SLC38A6: variants seen among roughly 807,000 people sequenced by gnomAD.
SLC38A6 encodes the protein solute carrier family 38 member 6, also known as N system amino acid transporter NAT-1.
Under a neutral mutation model 65.0 loss-of-function variants are expected in SLC38A6, and 73 were observed. That is an observed-to-expected ratio of 1.12 (90% CI 0.93 to 1.37). The LOEUF is 1.37. Ranked by LOEUF, SLC38A6 falls within the 40% of genes most tolerant of loss-of-function variation. SLC38A6 has a pLI of 0.00. For synonymous variants in SLC38A6, 183 were observed against 178.8 expected (o/e 1.02, Z -0.19); for missense variants, 561 against 531.1 (o/e 1.06, Z -0.55).
chr14:60,982,296 AT>A (rs1042751568), intron 1 of SLC38A6: 15 of 625,072 alleles, frequency 2.4e-5, no homozygotes, highest in Admixed American at 1.7e-4. Context: ...GGTGGAAATC[AT>A]TTTCCTAAGA....
At chr14:60,987,030 T>G (rs1387116884) in intron 3 of SLC38A6, 1 of 420,008 alleles carries the variant, frequency 2.4e-6, no homozygotes, top group African/African-American at 2.1e-5. Flanking sequence ...TCTTCTTTTT[T>G]CTTTTTCTTT....
Position 61,043,151 on chromosome 14 carries a change from T to C in SLC38A6, c.629T>C (p.Ile210Thr). ...TGATTCTGTTTACTTTTTTAGGTAA[T>C]AATTAAAAAATGGTCCATCCCTTGT... ...FFMMFFALVV[I>T]IKKWSIPCPL... The change falls in exon 9 of 16, where the codon ATA becomes ACA. Residue 210 changes from isoleucine to threonine, a missense_variant. Physicochemically the swap from Ile to Thr is moderately conservative, Grantham distance 89. Coordinates refer to ENST00000267488, the MANE Select transcript of SLC38A6 (RefSeq NM_153811.3). 1 of 1,524,702 alleles carries C rather than the reference T, an allele frequency of 6.6e-7. No individual in the cohort carries two copies. Among genetic ancestry groups the C allele is most frequent in the Non-Finnish European group, 8.9e-7 (1 of 1,117,684 alleles). 94.4% of individuals were successfully genotyped at this position (1,524,702 alleles called of 1,614,324 possible).
intron 5 of SLC38A6, among the ~76,000 whole-genome samples, chr14:61,021,713 T>A (rs564843841): frequency 2.6e-5 from 4 of 152,330 alleles, no homozygotes; most frequent in Admixed American, 1.3e-4. Flanking sequence ...TTAGAAAAGC[T>A]AGTAATGCTT....
chr14:61,064,455 G>T (rs2042959577), intron 15 of SLC38A6, among the ~76,000 whole-genome samples: 1 of 151,730 alleles, frequency 6.6e-6, no homozygotes, highest in Admixed American at 6.6e-5. Context: ...CATGAGATAG[G>T]ATCATGGGAG....
intron 3 of SLC38A6, among the ~76,000 whole-genome samples, chr14:60,988,347 C>A (rs1240295317): frequency 6.6e-6 from 1 of 152,158 alleles, no homozygotes; most frequent in Non-Finnish European, 1.5e-5. Context: ...GACTCCTAGA[C>A]CATTTCCTGT....
intron 3 of SLC38A6, among the ~76,000 whole-genome samples, chr14:60,990,171 T>C (rs1449608490): frequency 1.3e-5 from 2 of 152,026 alleles, no homozygotes; most frequent in Admixed American, 6.6e-5. Context: ...GGTGGGATTA[T>C]AGATGTGTGC....
At chr14:60,994,169 C>G (rs1442956821) in intron 3 of SLC38A6, among the ~76,000 whole-genome samples, 1 of 152,220 alleles carries the variant, frequency 6.6e-6, no homozygotes, top group Non-Finnish European at 1.5e-5. Context: ...TTACCAAAAT[C>G]TGGAAGCAAC....
chr14:61,050,746 A>G (rs1485137040), intron 13 of SLC38A6, 110 bp downstream of exon 13: 9 of 1,025,948 alleles, frequency 8.8e-6, no homozygotes, highest in East Asian at 5.8e-5. Context: ...TGTATATCTT[A>G]TTCACTTGTC....
intron 5 of SLC38A6, among the ~76,000 whole-genome samples, chr14:61,021,416 G>C (rs894326423): frequency 1.3e-5 from 2 of 152,160 alleles, no homozygotes; most frequent in African/African-American, 4.8e-5. Context: ...GAAATCTACA[G>C]AGAAGCTGTT....
At chr14:60,981,462 G>T in intron 1 of SLC38A6, 80 bp downstream of exon 1, 8 of 1,543,474 alleles carry the variant, frequency 5.2e-6, no homozygotes, top group Non-Finnish European at 7.0e-6. Context: ...CCCAGAAAAG[G>T]AGGACCGCAC....
At chr14:61,006,593 A>G (rs1385533202) in intron 3 of SLC38A6, among the ~76,000 whole-genome samples, 1 of 152,248 alleles carries the variant, frequency 6.6e-6, no homozygotes, top group African/African-American at 2.4e-5. Context: ...ATCACTGGCC[A>G]TCAGAGAAAT....
chr14:61,021,877 G>T (rs2040361683), intron 5 of SLC38A6, among the ~76,000 whole-genome samples: 2 of 151,958 alleles, frequency 1.3e-5, no homozygotes, highest in Non-Finnish European at 2.9e-5. Context: ...TATTATAATA[G>T]AATTGGAAGC....
intron 6 of SLC38A6, chr14:61,030,822 G>A (rs2040937265): frequency 5.3e-6 from 1 of 189,218 alleles, no homozygotes; most frequent in Non-Finnish European, 1.1e-5. Flanking sequence ...TCTTAAGGAG[G>A]AATAAAGGGT....
At chr14:60,983,760 C>G (rs181317279) in intron 2 of SLC38A6, among the ~76,000 whole-genome samples, 235 of 152,222 alleles carry the variant, frequency 1.5e-3, no homozygotes, top group Non-Finnish European at 2.9e-3. Context: ...ATATGTGACA[C>G]CTTAAGCAAG....
chr14:61,040,257 A>T (rs1176980248), intron 8 of SLC38A6, among the ~76,000 whole-genome samples: 1 of 151,784 alleles, frequency 6.6e-6, no homozygotes, highest in Non-Finnish European at 1.5e-5. Context: ...CTGCAGACTC[A>T]AACTGCCGGG....
chr14:61,030,668 G>A (rs1445329874), intron 6 of SLC38A6, 145 bp downstream of exon 6: 9 of 573,632 alleles, frequency 1.6e-5, no homozygotes, highest in Non-Finnish European at 2.8e-5. Context: ...CAGAAGTGAA[G>A]CAGTAATAGA....
intron 5 of SLC38A6, among the ~76,000 whole-genome samples, chr14:61,026,954 C>T (rs1352162822): frequency 2.0e-5 from 3 of 151,954 alleles, no homozygotes; most frequent in African/African-American, 7.3e-5. Flanking sequence ...GTGTTTCTAA[C>T]ATCTCTCCTC....
intron 3 of SLC38A6, among the ~76,000 whole-genome samples, chr14:61,015,094 C>T (rs942583503): frequency 6.6e-6 from 1 of 152,198 alleles, no homozygotes; most frequent in Non-Finnish European, 1.5e-5. Flanking sequence ...AGCGCCCATC[C>T]CCCAGCCTCG....
intron 2 of SLC38A6, among the ~76,000 whole-genome samples, chr14:60,983,782 G>A (rs2037253366): frequency 6.6e-6 from 1 of 152,108 alleles, no homozygotes; most frequent in Non-Finnish European, 1.5e-5. Flanking sequence ...CATAGTCAGA[G>A]GACTTTTTTT....
Sources: allele counts gnomAD v4.1 joint callset (sites outside exome capture counted in the v4.1 genomes callset), GRCh38; gene constraint gnomAD v4.1.1; transcripts MANE v1.5; gene names NCBI Gene and HGNC (gene_info 2026-07-23, HGNC 2026-07-21).